The following TTC29 variants were observed in gnomAD, a reference collection of about 807,000 sequenced individuals.
The protein encoded by TTC29 is tetratricopeptide repeat domain 29.
A neutral mutation model predicts 58.1 loss-of-function variants in TTC29; 49 were observed. The ratio of observed to expected loss-of-function variants is 0.84; its 90% CI spans 0.67 to 1.07. The LOEUF (loss-of-function observed/expected upper bound fraction) is 1.07. TTC29 is among the 50% of genes least tolerant of loss of function. The probability of loss-of-function intolerance (pLI) is 0.00; values close to 1 mark genes in which losing one functional copy is unlikely to be tolerated. For missense variants in TTC29, 582 were observed against 555.6 expected, an observed-to-expected ratio of 1.05 and a Z score of -0.48; for synonymous variants, 209 against 196.8, an observed-to-expected ratio of 1.06 and a Z score of -0.52.
intron 9 of TTC29, among the ~76,000 whole-genome samples, chr4:146,820,492 G>T (rs955696978): frequency 1.3e-5 from 2 of 152,082 alleles, no homozygotes; most frequent in African/African-American, 4.8e-5. Flanking sequence ...ATCTTCTGGG[G>T]AAAACAGCTT....
intron 11 of TTC29, among the ~76,000 whole-genome samples, chr4:146,724,698 G>C (rs991318867): frequency 6.6e-6 from 1 of 152,002 alleles, no homozygotes; most frequent in Admixed American, 6.6e-5. Context: ...ATTTTTAGTA[G>C]AGACGGGGTT....
At chr4:146,790,920 A>C (rs948400445) in intron 11 of TTC29, among the ~76,000 whole-genome samples, 4 of 152,196 alleles carry the variant, frequency 2.6e-5, no homozygotes, top group Non-Finnish European at 4.4e-5. Context: ...TTGTTGTTAC[A>C]TAGCTTTAGT....
At chr4:146,821,896 G>A (rs1360579843) in intron 9 of TTC29, among the ~76,000 whole-genome samples, 2 of 151,446 alleles carry the variant, frequency 1.3e-5, no homozygotes, top group African/African-American at 4.9e-5. Flanking sequence ...TTCATACATG[G>A]GATCAATTGT....
intron 11 of TTC29, among the ~76,000 whole-genome samples, chr4:146,751,880 G>C (rs1446211140): frequency 6.6e-6 from 1 of 151,950 alleles, no homozygotes; most frequent in Non-Finnish European, 1.5e-5. Flanking sequence ...ATCATAAAAT[G>C]AATCAATGAA....
intron 4 of TTC29, among the ~76,000 whole-genome samples, chr4:146,923,764 C>T (rs1352512736): frequency 1.3e-5 from 2 of 151,818 alleles, no homozygotes; most frequent in East Asian, 3.9e-4. Context: ...TGATATTTCC[C>T]CAACTCTTGA....
At chr4:146,827,265 C>T (rs1434276987) in intron 9 of TTC29, among the ~76,000 whole-genome samples, 1 of 152,144 alleles carries the variant, frequency 6.6e-6, no homozygotes, top group Non-Finnish European at 1.5e-5. Flanking sequence ...TTGATGACAG[C>T]ATCTGGATAA....
intron 11 of TTC29, among the ~76,000 whole-genome samples, chr4:146,737,090 G>T (rs966563729): frequency 5.3e-5 from 8 of 152,132 alleles, no homozygotes; most frequent in African/African-American, 1.9e-4. Flanking sequence ...TGAATTCCGT[G>T]CTGTTTTCCT....
At chr4:146,736,152 C>T (rs150836120) in intron 11 of TTC29, among the ~76,000 whole-genome samples, 3 of 151,736 alleles carry the variant, frequency 2.0e-5, no homozygotes, top group African/African-American at 4.8e-5. Context: ...TTGCCTGGAA[C>T]GATAGTCAAG....
intron 11 of TTC29, among the ~76,000 whole-genome samples, chr4:146,736,361 G>A (rs1192113829): frequency 6.6e-6 from 1 of 152,196 alleles, no homozygotes; most frequent in East Asian, 1.9e-4. Context: ...TACACTTCAT[G>A]TGAAGTGGTT....
intron 8 of TTC29, among the ~76,000 whole-genome samples, chr4:146,859,645 AT>A (rs1165198633): frequency 2.0e-5 from 3 of 152,090 alleles, no homozygotes; most frequent in Non-Finnish European, 4.4e-5. Flanking sequence ...AAGAGTCAAG[AT>A]TTATTGACCT....
At chr4:146,936,936 T>A (rs1264960051) in intron 4 of TTC29, among the ~76,000 whole-genome samples, 4 of 152,070 alleles carry the variant, frequency 2.6e-5, no homozygotes. Context: ...TGAAAAGATG[T>A]GATAACAGAG....
chr4:146,752,699 CAG>C (rs1450988352), intron 11 of TTC29, among the ~76,000 whole-genome samples: 1 of 152,070 alleles, frequency 6.6e-6, no homozygotes, highest in Non-Finnish European at 1.5e-5. Flanking sequence ...GGTACCAAAA[CAG>C]AGATATAGAC....
intron 9 of TTC29, among the ~76,000 whole-genome samples, chr4:146,822,427 A>G (rs775915593): frequency 9.2e-5 from 14 of 152,278 alleles, no homozygotes; most frequent in South Asian, 4.1e-4. Flanking sequence ...CATTCTTTCA[A>G]TGGCTGCATA....
intron 8 of TTC29, among the ~76,000 whole-genome samples, chr4:146,846,835 A>G (rs192075034): frequency 2.8e-4 from 42 of 152,306 alleles, no homozygotes; most frequent in South Asian, 2.5e-3. Flanking sequence ...ATAAAATTTC[A>G]TTGTAGTTTC....
chr4:146,929,039 G>A (rs1243816271), intron 4 of TTC29, among the ~76,000 whole-genome samples: 1 of 152,014 alleles, frequency 6.6e-6, no homozygotes, highest in African/African-American at 2.4e-5. Context: ...GATCATCTAA[G>A]AGTTTTGGAA....
intron 11 of TTC29, among the ~76,000 whole-genome samples, chr4:146,767,516 G>A (rs895165206): frequency 5.9e-5 from 9 of 151,894 alleles, no homozygotes; most frequent in Admixed American, 2.0e-4. Context: ...TAGTGGAAGC[G>A]CACATTTCTT....
rs749427123 is a variant in TTC29, at chr4:146,707,489, T to C, written c.1393A>G (p.Ser465Gly). The C allele has an allele frequency of 5.6e-6, 9 of 1,609,336 alleles. No homozygotes were observed. The Admixed American group carries it at 1.5e-4, about 27-fold the overall frequency. ...SQNSERLEEL[S>G]RFPGDQKNET is the part of the protein sequence containing the mutation. ...TTTTTACTTGATTTATCATACCTAC[T>C]GAGTTCTTCCAAACGTTCTGAGTTT... is the stretch of plus-strand genomic sequence containing the variant. The change falls in exon 12 of 13, where the codon AGT becomes GGT. Residue 465 changes from serine (S) to glycine (G), a missense_variant. By Grantham distance (56) the Ser-to-Gly change is moderately conservative. Coordinates refer to ENST00000325106, the MANE Select transcript of TTC29 (RefSeq NM_031956.4).
chr4:146,754,865 A>G (rs1257333939), intron 11 of TTC29, among the ~76,000 whole-genome samples: 1 of 152,196 alleles, frequency 6.6e-6, no homozygotes, highest in East Asian at 1.9e-4. Context: ...CATTGTTACC[A>G]CTTCTATTTA....
chr4:146,795,446 A>G (rs1749770081), intron 11 of TTC29, among the ~76,000 whole-genome samples: 1 of 152,192 alleles, frequency 6.6e-6, no homozygotes, highest in South Asian at 2.1e-4. Flanking sequence ...ATATGTATCC[A>G]GGGATAAGGC....
Sources: gnomAD v4.1 joint callset for allele counts (sites outside exome capture counted in the v4.1 genomes callset) on GRCh38, gnomAD v4.1.1 for gene constraint, MANE v1.5 for transcripts, NCBI Gene and HGNC (gene_info 2026-07-23, HGNC 2026-07-21) for gene names.